Variants in NPLOC4 observed in about 807,000 individuals in gnomAD.
NPLOC4 encodes nuclear protein localization protein 4 homolog.
In NPLOC4, 18 loss-of-function variants were observed where a neutral mutation model predicts 80.6. The observed-to-expected ratio is 0.22, with a 90% CI of 0.15 to 0.33. The LOEUF (loss-of-function observed/expected upper bound fraction) is 0.33, where lower values mean the gene tolerates loss of function less well. NPLOC4 is among the 10% of genes least tolerant of loss of function. NPLOC4 has a pLI of 1.00. For synonymous variants in NPLOC4, 313 were observed against 301.5 expected, an observed-to-expected ratio of 1.04 and a Z score of -0.39; for missense variants, 540 against 786.1, an observed-to-expected ratio of 0.69 and a Z score of 3.74.
At chr17:81,607,537 T>C (rs542763880) in intron 6 of NPLOC4, among the ~76,000 whole-genome samples, 24 of 152,324 alleles carry the variant, frequency 1.6e-4, no homozygotes, top group African/African-American at 5.8e-4. Flanking sequence ...CTAATTAACA[T>C]ATGCATTACC....
intron 3 of NPLOC4, among the ~76,000 whole-genome samples, chr17:81,615,604 G>A (rs1021454495): frequency 6.6e-6 from 1 of 152,234 alleles, no homozygotes; most frequent in African/African-American, 2.4e-5. Flanking sequence ...ACTCAGAGCT[G>A]CTTGTGGGGC....
chr17:81,636,816 G>A, intron 1 of NPLOC4, 100 bp downstream of exon 1: 1 of 1,231,634 alleles, frequency 8.1e-7, no homozygotes. Context: ...GAAAGGGGCC[G>A]AGTCGCGGCG....
intron 3 of NPLOC4, among the ~76,000 whole-genome samples, chr17:81,616,172 T>C (rs7503824): frequency 6.7e-6 from 1 of 149,562 alleles, no homozygotes; most frequent in Admixed American, 6.7e-5. Context: ...AAAAAAAAAA[T>C]TAGCCGGGGG....
At chr17:81,627,514 T>C (rs1598690558) in intron 2 of NPLOC4, among the ~76,000 whole-genome samples, 2 of 150,470 alleles carry the variant, frequency 1.3e-5, no homozygotes, top group Non-Finnish European at 3.0e-5. Flanking sequence ...CCAAGGCGGG[T>C]GGATCACCTG....
chr17:81,614,081 C>G (rs757646166), intron 3 of NPLOC4, among the ~76,000 whole-genome samples: 12 of 151,862 alleles, frequency 7.9e-5, no homozygotes, highest in Non-Finnish European at 1.5e-4. Context: ...TCAAGACCAT[C>G]CTGGCCAACA....
intron 12 of NPLOC4, among the ~76,000 whole-genome samples, chr17:81,582,018 A>C (rs2034454486): frequency 6.6e-6 from 1 of 152,208 alleles, no homozygotes; most frequent in South Asian, 2.1e-4. Context: ...CTAGTGTCAG[A>C]GAGGGAACAT....
Position 81,588,992 on chromosome 17 carries a change from G to A in NPLOC4, c.1233C>T (p.Tyr411=), listed in dbSNP as rs368218835. Residue 411 remains tyrosine, a synonymous_variant, in exon 12 of 17, where the codon TAC becomes TAT. Coordinates refer to ENST00000331134, the MANE Select transcript of NPLOC4 (RefSeq NM_017921.4). ...ACTGCTCACTGCTAGACTCCTTGGC[G>A]TAGCCAAGCTCCGGGGCGTCCTTGC... ...LPCKDAPELG[Y]AKESSSEQYV... The A allele has an allele frequency of 1.4e-5, 23 of 1,613,884 alleles. No individual in the cohort carries two copies. The highest frequency in any genetic ancestry group is 1.8e-5 in the Non-Finnish European group (21 of 1,179,888).
rs144395763 is a variant in NPLOC4, at chr17:81,576,972, T to C, written c.1282-4884A>G. Among the ~76,000 whole-genome samples the C allele has an allele frequency of 5.5e-3, 834 of 152,282 alleles. 11 individuals carry two copies. Among genetic ancestry groups the C allele is most frequent in the African/African-American group, 0.019 (783 of 41,558 alleles). On this transcript the variant is annotated intron_variant, in intron 12 of 16. Coordinates refer to ENST00000331134, the MANE Select transcript of NPLOC4 (RefSeq NM_017921.4). The stretch of plus-strand genomic sequence containing the variant: ...GAGTACATAGTAAGCTTCGGCAACA[T>C]AATCCTAGTTCTAGCAATTCATCCC...
At position 81,636,975 on chromosome 17, in the gene NPLOC4, C is replaced by T. The variant is rs777538891; in HGVS notation, c.-45G>A. The T allele has an allele frequency of 8.1e-7, 1 of 1,232,308 alleles. No homozygotes were observed. The highest frequency in any genetic ancestry group is 3.3e-5 in the East Asian group (1 of 30,414). The allele number at this position is 1,232,308 out of a possible 1,614,324, so 76.3% of individuals were successfully genotyped here. ...GGGCTCGAGCCCCGGGCCGCCGCCG[C>T]CTGCCGCCCCAAGGGCCTCGCAGAC... is the stretch of plus-strand genomic sequence containing the variant. On this transcript the variant is annotated 5_prime_UTR_variant, in exon 1 of 17. Coordinates refer to ENST00000331134, the MANE Select transcript of NPLOC4 (RefSeq NM_017921.4).
At chr17:81,622,430 G>T (rs2035693733) in intron 2 of NPLOC4, among the ~76,000 whole-genome samples, 152 bp from the exon 3 acceptor site, 1 of 152,186 alleles carries the variant, frequency 6.6e-6, no homozygotes, top group African/African-American at 2.4e-5. Flanking sequence ...CTCTTTTAAA[G>T]AAATTTGTAC....
chr17:81,627,511 G>A lies in NPLOC4; in HGVS notation c.96+2214C>T, dbSNP rs186646611. On this transcript the variant is annotated intron_variant, in intron 2 of 16. Coordinates refer to ENST00000331134, the MANE Select transcript of NPLOC4 (RefSeq NM_017921.4). ...CCCCAGCACTTTGGGAGGCCAAGGC[G>A]GGTGGATCACCTGAGGTCAGGAGTT... Among the ~76,000 whole-genome samples the A allele has an allele frequency of 1.2e-3, 188 of 152,256 alleles. 1 individual carries two copies. Among genetic ancestry groups the A allele is most frequent in the African/African-American group, 2.0e-3 (82 of 41,546 alleles).
At chr17:81,618,445 G>A (rs534940402) in intron 3 of NPLOC4, among the ~76,000 whole-genome samples, 18 of 151,830 alleles carry the variant, frequency 1.2e-4, no homozygotes, top group Non-Finnish European at 2.2e-4. Context: ...GGGAAGTGAG[G>A]AGCGTCTCCG....
intron 2 of NPLOC4, among the ~76,000 whole-genome samples, chr17:81,626,639 C>G (rs1284369370): frequency 1.3e-5 from 2 of 152,102 alleles, no homozygotes; most frequent in Non-Finnish European, 2.9e-5. Flanking sequence ...TCAAGACCAG[C>G]CTAGACAACA....
At chr17:81,614,643 T>C (rs1263334707) in intron 3 of NPLOC4, among the ~76,000 whole-genome samples, 1 of 151,474 alleles carries the variant, frequency 6.6e-6, no homozygotes, top group Non-Finnish European at 1.5e-5. Context: ...TGGTTTTCTA[T>C]CACTTTCAGT....
intron 12 of NPLOC4, among the ~76,000 whole-genome samples, chr17:81,588,647 A>G (rs2034653977): frequency 6.6e-6 from 1 of 152,268 alleles, no homozygotes; most frequent in East Asian, 1.9e-4. Flanking sequence ...CATGCCAAGG[A>G]CCCATCTTCT....
At chr17:81,561,132 T>A (rs939721087) in intron 16 of NPLOC4, among the ~76,000 whole-genome samples, 2 of 152,142 alleles carry the variant, frequency 1.3e-5, no homozygotes, top group African/African-American at 2.4e-5. Context: ...TAATTTTTTT[T>A]ATTTTTAGTA....
intron 11 of NPLOC4, among the ~76,000 whole-genome samples, chr17:81,590,779 C>G (rs996861467): frequency 3.9e-5 from 6 of 152,180 alleles, no homozygotes; most frequent in African/African-American, 1.4e-4. Context: ...CATCAGAAAG[C>G]AAACCTGACG....
At chr17:81,609,371 G>A (rs757049936) in intron 5 of NPLOC4, among the ~76,000 whole-genome samples, 4 of 152,088 alleles carry the variant, frequency 2.6e-5, no homozygotes, top group Non-Finnish European at 4.4e-5. Context: ...TTGGAGTATG[G>A]TGGTGCAATC....
Position 81,613,167 on chromosome 17 carries a change from A to G in NPLOC4, c.386+151T>C, listed in dbSNP as rs1598667869. 6.5e-6 allele frequency: 4 copies of G among 612,370 alleles called. No individual in the cohort carries two copies. The East Asian group carries it at 1.0e-4, about 16-fold the overall frequency. 37.9% of individuals were successfully genotyped at this position (612,370 alleles called of 1,614,324 possible). The stretch of plus-strand genomic sequence containing the variant: ...AAAACCGATAAAAAGCTAACAAGAT[A>G]ACTTGAAGTTTAATCTGAAGATAGT... On this transcript the variant is annotated intron_variant, in intron 4 of 16. Transcript: ENST00000331134.
Sources: allele counts gnomAD v4.1 joint callset (sites outside exome capture counted in the v4.1 genomes callset), GRCh38; gene constraint gnomAD v4.1.1; transcripts MANE v1.5; gene names NCBI Gene and HGNC (gene_info 2026-07-23, HGNC 2026-07-21).